PPP2CA: variants seen among roughly 807,000 people sequenced by gnomAD.
The protein encoded by PPP2CA is protein phosphatase 2 catalytic subunit alpha.
A neutral mutation model predicts 38.8 loss-of-function variants in PPP2CA; 5 were observed. That is an observed-to-expected ratio of 0.13 (90% CI 0.07 to 0.27). PPP2CA has a LOEUF of 0.27. PPP2CA is among the 10% of genes least tolerant of loss of function. The probability of loss-of-function intolerance (pLI) is 1.00; values close to 1 mark genes in which losing one functional copy is unlikely to be tolerated. For missense variants in PPP2CA, 88 were observed against 389.7 expected, an observed-to-expected ratio of 0.23 and a Z score of 6.52; for synonymous variants, 152 against 134.0, an observed-to-expected ratio of 1.13 and a Z score of -0.93.
intron 1 of PPP2CA, among the ~76,000 whole-genome samples, chr5:134,221,462 T>C (rs1179481691): frequency 6.6e-6 from 1 of 152,126 alleles, no homozygotes; most frequent in Non-Finnish European, 1.5e-5. Flanking sequence ...AAAAGTCAGT[T>C]ATACTTTATT....
chr5:134,213,082 A>G (rs1181118189), intron 1 of PPP2CA, among the ~76,000 whole-genome samples: 4 of 152,218 alleles, frequency 2.6e-5, no homozygotes, highest in South Asian at 2.1e-4. Context: ...TGGTTGCACT[A>G]AACAACAGGT....
chr5:134,206,968 G>A (rs2239545), intron 1 of PPP2CA, among the ~76,000 whole-genome samples: 117,207 of 151,692 alleles, frequency 0.77, 45,723 homozygotes, highest in Non-Finnish European at 0.82. Flanking sequence ...CAAAGGAAAG[G>A]GAGAGGGAAA....
rs1273359119 is a variant in PPP2CA at position 134,217,613 on chromosome 5, T to C, written c.102+8147A>G. ...GTTTGATATGTCATTTTGATAATTG[T>C]GCAAAAAAATCCAAGGTTTGTGATA... On this transcript the variant is annotated intron_variant, in intron 1 of 6. Coordinates refer to ENST00000481195, the MANE Select transcript of PPP2CA (RefSeq NM_002715.4). 3.3e-5 allele frequency among the ~76,000 whole-genome samples: 5 copies of C among 152,316 alleles called. No homozygotes were observed. The East Asian group carries it at 9.6e-4, about 29-fold the overall frequency.
rs1315551097 is a variant in PPP2CA, at chr5:134,194,610, A to C, written c.*3162T>G. The C allele has an allele frequency of 6.6e-6, 1 of 152,212 alleles. No individual in the cohort carries two copies. Among genetic ancestry groups the C allele is most frequent in the Non-Finnish European group, 1.5e-5 (1 of 68,068 alleles). 9.4% of individuals were successfully genotyped at this position (152,212 alleles called of 1,614,324 possible). ...AGTATGTACTTAGGAAACAGCAGTG[A>C]GGTGTTTTTGTTTTTTGAGATGGAG... On this transcript the variant is annotated 3_prime_UTR_variant, in exon 7 of 7. Transcript: ENST00000481195.
At position 134,196,406 on chromosome 5, in the gene PPP2CA, G is replaced by GA. The variant is rs1380664865; in HGVS notation, c.*1365dup. 1 of 152,184 alleles carries GA rather than the reference G, an allele frequency of 6.6e-6. No individual in the cohort carries two copies. Among genetic ancestry groups the GA allele is most frequent in the African/African-American group, 2.4e-5 (1 of 41,444 alleles). 9.4% of individuals were successfully genotyped at this position (152,184 alleles called of 1,614,324 possible). A position where few individuals can be genotyped will look rare whatever the true frequency, so the allele number is the denominator to read the frequency against. ...TAATCCTATTCGAAGGATAAAAGGGGAAAAACTCATTAAATGTTGAACACT... is the reference window on the plus strand; with the variant it reads ...TAATCCTATTCGAAGGATAAAAGGGGAAAAAACTCATTAAATGTTGAACACT... On this transcript the variant is annotated 3_prime_UTR_variant, in exon 7 of 7. Transcript: ENST00000481195.
At chr5:134,223,362 G>C (rs1762488301) in intron 1 of PPP2CA, among the ~76,000 whole-genome samples, 1 of 152,100 alleles carries the variant, frequency 6.6e-6, no homozygotes, top group African/African-American at 2.4e-5. Context: ...AAAAACATCA[G>C]TTCATGGATT....
chr5:134,201,203 G>T, intron 3 of PPP2CA, 129 bp from the exon 4 acceptor site: 1 of 676,278 alleles, frequency 1.5e-6, no homozygotes, highest in Non-Finnish European at 2.6e-6. Flanking sequence ...CTTGAGGCCA[G>T]GAGTTTGAGA....
intron 1 of PPP2CA, among the ~76,000 whole-genome samples, chr5:134,209,008 C>T (rs1048542222): frequency 1.3e-5 from 2 of 152,084 alleles, no homozygotes; most frequent in East Asian, 3.9e-4. Context: ...TATACATATG[C>T]AGGCACATTT....
chr5:134,215,346 G>A (rs1031828066), intron 1 of PPP2CA, among the ~76,000 whole-genome samples: 5 of 152,004 alleles, frequency 3.3e-5, no homozygotes, highest in Non-Finnish European at 5.9e-5. Flanking sequence ...GAGGCAGGTG[G>A]ATCACTTGAG....
At chr5:134,218,254 T>C (rs1203917657) in intron 1 of PPP2CA, among the ~76,000 whole-genome samples, 4 of 152,226 alleles carry the variant, frequency 2.6e-5, no homozygotes, top group Non-Finnish European at 5.9e-5. Flanking sequence ...TAGTATTTTC[T>C]GTTTGGCTCT....
intron 1 of PPP2CA, chr5:134,224,310 T>A: frequency 2.2e-6 from 1 of 455,948 alleles, no homozygotes; most frequent in Non-Finnish European, 4.4e-6. Context: ...TCGCTACCAT[T>A]AAAAGGCATC....
intron 6 of PPP2CA, 142 bp downstream of exon 6, chr5:134,198,944 G>GA (rs1178963125): frequency 1.5e-6 from 1 of 645,856 alleles, no homozygotes; most frequent in African/African-American, 1.8e-5. Context: ...AACACTCTAG[G>GA]AGGCCAAGGT....
chr5:134,224,553 T>C (rs1350841140), intron 1 of PPP2CA, among the ~76,000 whole-genome samples: 1 of 152,250 alleles, frequency 6.6e-6, no homozygotes, highest in Non-Finnish European at 1.5e-5. Flanking sequence ...AATGCTAATA[T>C]GATACTCCAC....
In PPP2CA at chr5:134,206,136, A is replaced by C. The variant is rs1394029450; in HGVS notation, c.103-5T>G. ...TTTTGTCAGGATTTCTTTAGCCTAC[A>C]GATGGGAGACAAAAATAAGGCAATA... On this transcript the variant is annotated splice_polypyrimidine_tract_variant and splice_region_variant and intron_variant, in intron 1 of 6. Transcript: ENST00000481195. The C allele has an allele frequency of 6.2e-7, 1 of 1,608,538 alleles. No individual in the cohort carries two copies. Among genetic ancestry groups the C allele is most frequent in the African/African-American group, 1.3e-5 (1 of 74,910 alleles).
intron 1 of PPP2CA, among the ~76,000 whole-genome samples, chr5:134,222,874 T>A (rs1280537935): frequency 6.6e-6 from 1 of 152,212 alleles, no homozygotes; most frequent in Non-Finnish European, 1.5e-5. Flanking sequence ...CTTAATCACA[T>A]CTTAAAATTC....
At chr5:134,200,557 G>A in intron 4 of PPP2CA, 61 bp from the exon 5 acceptor site, 1 of 1,559,504 alleles carries the variant, frequency 6.4e-7, no homozygotes, top group Non-Finnish European at 8.7e-7. Flanking sequence ...CATTATTTGA[G>A]TAATTCATCA....
intron 1 of PPP2CA, among the ~76,000 whole-genome samples, chr5:134,211,467 T>C (rs1762201330): frequency 1.7e-5 from 2 of 118,686 alleles, no homozygotes; most frequent in South Asian, 5.9e-4. Context: ...CTGTTTTTCA[T>C]GGAAGACAAT....
rs1761817037 is a variant in PPP2CA, at chr5:134,194,933, A to G, written c.*2839T>C. The stretch of plus-strand genomic sequence containing the variant: ...GTTTTTAACCCTAGATGTAAATTAG[A>G]ATCACTTGGGAAACTTAAAAAATGT... On this transcript the variant is annotated 3_prime_UTR_variant, in exon 7 of 7. Transcript: ENST00000481195. 1 of 152,086 alleles carries G rather than the reference A, an allele frequency of 6.6e-6. No individual in the cohort carries two copies. The highest frequency in any genetic ancestry group is 2.4e-5 in the African/African-American group (1 of 41,410). The allele number at this position is 152,086 out of a possible 1,614,324, so 9.4% of individuals were successfully genotyped here. A position where few individuals can be genotyped will look rare whatever the true frequency, so the allele number is the denominator to read the frequency against.
intron 1 of PPP2CA, among the ~76,000 whole-genome samples, chr5:134,211,912 G>T (rs1300526876): frequency 6.6e-6 from 1 of 152,102 alleles, no homozygotes; most frequent in African/African-American, 2.4e-5. Flanking sequence ...GAGGTCGGGA[G>T]TTCGAAACCA....
Sources: allele counts gnomAD v4.1 joint callset (sites outside exome capture counted in the v4.1 genomes callset), GRCh38; gene constraint gnomAD v4.1.1; transcripts MANE v1.5; gene names NCBI Gene and HGNC (gene_info 2026-07-23, HGNC 2026-07-21).